The following ST6GALNAC3 variants were observed in gnomAD, a reference collection of about 807,000 sequenced individuals.
ST6GALNAC3 encodes the protein alpha-N-acetylgalactosaminide alpha-2,6-sialyltransferase 3.
In ST6GALNAC3, 25 loss-of-function variants were observed where a neutral mutation model predicts 32.7. That is an observed-to-expected ratio of 0.76 (90% confidence interval 0.56 to 1.07). ST6GALNAC3 has a LOEUF of 1.07. Among genes scored for constraint, ST6GALNAC3 ranks in the 50% least tolerant of loss-of-function variants. ST6GALNAC3 has a pLI of 0.00. For synonymous variants in ST6GALNAC3, 129 were observed against 133.1 expected (o/e 0.97, Z 0.21); for missense variants, 355 against 382.4 (o/e 0.93, Z 0.60).
In ST6GALNAC3 at chr1:76,276,860, G is replaced by A. The variant is rs1178333092; in HGVS notation, c.19-36945G>A. Among the ~76,000 whole-genome samples, 7 of 152,278 alleles carry A rather than the reference G, an allele frequency of 4.6e-5. No homozygotes were observed. In the South Asian group the frequency reaches 6.2e-4, roughly 14 times the overall value. ...CATTTAAAAAAGTTGTCAAATTGGT[G>A]TGTATGAATTTATACTTTACAGTTC... On this transcript the variant is annotated intron_variant, in intron 1 of 4. Transcript: ENST00000328299.
At chr1:76,373,702 T>C (rs1421596167) in intron 2 of ST6GALNAC3, among the ~76,000 whole-genome samples, 1 of 152,182 alleles carries the variant, frequency 6.6e-6, no homozygotes, top group African/African-American at 2.4e-5. Context: ...ACATCATTTT[T>C]TGTCCCTAGA....
At chr1:76,204,886 A>C (rs1157443361) in intron 1 of ST6GALNAC3, among the ~76,000 whole-genome samples, 1 of 152,182 alleles carries the variant, frequency 6.6e-6, no homozygotes, top group South Asian at 2.1e-4. Context: ...TATATTAATA[A>C]CAGTACCCTA....
In ST6GALNAC3 at chr1:76,277,528, GTATATA is replaced by G. The variant is rs370795804; in HGVS notation, c.19-36242_19-36237del. 8.4e-3 allele frequency among the ~76,000 whole-genome samples: 711 copies of G among 84,470 alleles called. 4 individuals are homozygous for G. The highest frequency in any genetic ancestry group is 0.022 in the East Asian group (51 of 2,338). 55.4% of individuals were successfully genotyped at this position (84,470 alleles called of 152,430 possible). ...AAGACATATATGTATATGTTTATGTGTATATATATATATATATATATATATATATAT... is the reference window on the plus strand; with the variant it reads ...AAGACATATATGTATATGTTTATGTGTATATATATATATATATATATATAT... On this transcript the variant is annotated intron_variant, in intron 1 of 4. Coordinates refer to ENST00000328299, the MANE Select transcript of ST6GALNAC3 (RefSeq NM_152996.4).
At chr1:76,636,997 G>T (rs1649520138), downstream of ST6GALNAC3, 1 of 151,096 alleles carries the variant, frequency 6.6e-6, no homozygotes, top group Non-Finnish European at 1.5e-5. Flanking sequence ...AATATTCTGT[G>T]GTTCTTTACA....
rs1646940412 is a variant in ST6GALNAC3, at chr1:76,585,029, T to C, written c.624-42423T>C. Among the ~76,000 whole-genome samples, 4 of 151,574 alleles carry C rather than the reference T, an allele frequency of 2.6e-5. No individual in the cohort carries two copies. The South Asian group carries it at 6.2e-4, about 24-fold the overall frequency. ...AAAGCAGTACTAGCAAGAAATAAGC[T>C]AAGTCCTTGAGGACTTGGGATTGTT... On this transcript the variant is annotated intron_variant, in intron 3 of 4. Coordinates refer to ENST00000328299, the MANE Select transcript of ST6GALNAC3 (RefSeq NM_152996.4).
chr1:76,341,271 A>G (rs1647947617), intron 2 of ST6GALNAC3, among the ~76,000 whole-genome samples: 1 of 151,622 alleles, frequency 6.6e-6, no homozygotes, highest in Non-Finnish European at 1.5e-5. Flanking sequence ...TGTGGACCCA[A>G]TGTTCAGCTC....
intron 1 of ST6GALNAC3, among the ~76,000 whole-genome samples, chr1:76,110,643 G>A (rs905880440): frequency 2.0e-5 from 3 of 152,204 alleles, no homozygotes; most frequent in Admixed American, 1.3e-4. Flanking sequence ...AGTGCTAAAG[G>A]AGCAGGCTGT....
intron 3 of ST6GALNAC3, among the ~76,000 whole-genome samples, chr1:76,538,365 T>C (rs533470775): frequency 1.1e-3 from 172 of 152,292 alleles, no homozygotes; most frequent in African/African-American, 4.0e-3. Flanking sequence ...TGATGGAACA[T>C]ATCTCAAAAT....
At chr1:76,365,979 T>C (rs1449192614) in intron 2 of ST6GALNAC3, among the ~76,000 whole-genome samples, 6 of 152,198 alleles carry the variant, frequency 3.9e-5, no homozygotes, top group Non-Finnish European at 5.9e-5. Flanking sequence ...GGTGTGAAGA[T>C]ATGGAATTGT....
intron 3 of ST6GALNAC3, among the ~76,000 whole-genome samples, chr1:76,532,475 C>G (rs1478562325): frequency 1.3e-5 from 2 of 152,104 alleles, no homozygotes; most frequent in African/African-American, 2.4e-5. Flanking sequence ...TGATTCCACT[C>G]TGATTGAGAG....
rs1411995765 is a variant in ST6GALNAC3, at chr1:76,577,701, CA to C, written c.624-49750del. 2.6e-5 allele frequency among the ~76,000 whole-genome samples: 4 copies of C among 152,094 alleles called. No homozygotes were observed. The East Asian group carries it at 7.8e-4, about 30-fold the overall frequency. On this transcript the variant is annotated intron_variant, in intron 3 of 4. Transcript: ENST00000328299. ...TGCACATGTTCCTCCCATTAGTGGTCATGGAAACTGCAAGCCCACCTCTGTG... is the reference window on the plus strand; with the variant it reads ...TGCACATGTTCCTCCCATTAGTGGTCTGGAAACTGCAAGCCCACCTCTGTG...
intron 1 of ST6GALNAC3, among the ~76,000 whole-genome samples, chr1:76,176,582 A>G (rs1340883589): frequency 1.3e-5 from 2 of 152,224 alleles, no homozygotes; most frequent in Non-Finnish European, 2.9e-5. Flanking sequence ...GCATTAGCTT[A>G]TAGATACACC....
chr1:76,555,535 T>C (rs1664866644), intron 3 of ST6GALNAC3, among the ~76,000 whole-genome samples: 1 of 152,118 alleles, frequency 6.6e-6, no homozygotes, highest in Non-Finnish European at 1.5e-5. Flanking sequence ...TGGTCATTAA[T>C]GTTCTCCTAA....
intron 1 of ST6GALNAC3, among the ~76,000 whole-genome samples, chr1:76,176,240 T>G (rs1330166345): frequency 2.0e-5 from 3 of 152,206 alleles, no homozygotes; most frequent in Non-Finnish European, 4.4e-5. Context: ...CCACGCCCTC[T>G]TGCAGCCACT....
At chr1:76,624,475 G>A (rs766739974) in intron 3 of ST6GALNAC3, among the ~76,000 whole-genome samples, 2 of 151,918 alleles carry the variant, frequency 1.3e-5, no homozygotes, top group Non-Finnish European at 2.9e-5. Flanking sequence ...GTGTGGGCTA[G>A]ACCAGAATGA....
chr1:76,541,754 G>A (rs1664006725), intron 3 of ST6GALNAC3, among the ~76,000 whole-genome samples: 1 of 152,170 alleles, frequency 6.6e-6, no homozygotes, highest in African/African-American at 2.4e-5. Flanking sequence ...TCACATGGCT[G>A]GAGTAATCAT....
At chr1:76,208,852 CA>C (rs921253419) in intron 1 of ST6GALNAC3, among the ~76,000 whole-genome samples, 2 of 152,052 alleles carry the variant, frequency 1.3e-5, no homozygotes, top group African/African-American at 4.8e-5. Flanking sequence ...GTATTTTTTT[CA>C]CATTTCTCTG....
chr1:76,468,795 T>C (rs1262768597), intron 3 of ST6GALNAC3, among the ~76,000 whole-genome samples: 1 of 152,028 alleles, frequency 6.6e-6, no homozygotes, highest in Non-Finnish European at 1.5e-5. Context: ...AATTTGGCAA[T>C]AGCAAAAACT....
intron 2 of ST6GALNAC3, among the ~76,000 whole-genome samples, chr1:76,382,911 C>T (rs1460676445): frequency 6.6e-6 from 1 of 152,118 alleles, no homozygotes; most frequent in Non-Finnish European, 1.5e-5. Context: ...CAAAAGGCTT[C>T]ATGGACCCTA....
Sources: gnomAD v4.1 joint callset for allele counts (sites outside exome capture counted in the v4.1 genomes callset) on GRCh38, gnomAD v4.1.1 for gene constraint, MANE v1.5 for transcripts, NCBI Gene and HGNC (gene_info 2026-07-23, HGNC 2026-07-21) for gene names.